The following NARS2 variants were observed in gnomAD, a reference collection of about 807,000 sequenced individuals.
NARS2 encodes asparaginyl-tRNA synthetase.
A neutral mutation model predicts 62.9 loss-of-function variants in NARS2; 60 were observed. That is an observed-to-expected ratio of 0.95 (90% CI 0.77 to 1.18). The LOEUF (loss-of-function observed/expected upper bound fraction) is 1.18. NARS2 is among the 50% of genes most tolerant of loss of function. The pLI is 0.00. For missense variants in NARS2, 619 were observed against 576.4 expected (o/e 1.07, Z -0.76); for synonymous variants, 196 against 200.0 (o/e 0.98, Z 0.17).
intron 7 of NARS2, among the ~76,000 whole-genome samples, chr11:78,482,235 A>G (rs1859385734): frequency 6.6e-6 from 1 of 152,200 alleles, no homozygotes; most frequent in Admixed American, 6.6e-5. Flanking sequence ...ATGGTCAGAC[A>G]CAGCTAAAGC....
At chr11:78,532,407 AG>A (rs1189618812) in intron 5 of NARS2, among the ~76,000 whole-genome samples, 1 of 152,230 alleles carries the variant, frequency 6.6e-6, no homozygotes, top group Non-Finnish European at 1.5e-5. Flanking sequence ...AGAATATATA[AG>A]GAACTCCTGC....
chr11:78,493,151 T>C lies in NARS2; in HGVS notation c.734A>G (p.Glu245Gly). ...VFTFGPTFRAENSQSRRHLAE... is the reference protein window; with the variant it reads ...VFTFGPTFRAGNSQSRRHLAE... ...CAGGTGCCTCCGGCTCTGAGAATTT[T>C]CAGCTCGGAAGGTCGGACCAAAGGT... Residue 245 changes from glutamate to glycine, a missense_variant, in exon 7 of 14, where the codon GAA becomes GGA. By Grantham distance (98) the Glu-to-Gly change is moderately conservative. Transcript: ENST00000281038. 6.2e-7 allele frequency: 1 copy of C among 1,614,048 alleles called. No homozygotes were observed. The highest frequency in any genetic ancestry group is 8.5e-7 in the Non-Finnish European group (1 of 1,179,934).
chr11:78,498,679 T>A (rs1860158396), intron 6 of NARS2, among the ~76,000 whole-genome samples: 1 of 151,850 alleles, frequency 6.6e-6, no homozygotes, highest in African/African-American at 2.4e-5. Flanking sequence ...CTCTTTTTTT[T>A]TTTTTTTCCT....
intron 9 of NARS2, among the ~76,000 whole-genome samples, chr11:78,471,747 A>T (rs2135237596): frequency 7.5e-6 from 1 of 133,922 alleles, no homozygotes; most frequent in East Asian, 2.2e-4. Flanking sequence ...ATGTGATCTC[A>T]TTGTTCAATT....
intron 5 of NARS2, among the ~76,000 whole-genome samples, chr11:78,557,652 T>C (rs1856402661): frequency 6.6e-6 from 1 of 152,206 alleles, no homozygotes; most frequent in South Asian, 2.1e-4. Context: ...TTCCTTTCCC[T>C]GGCTCTGAAA....
chr11:78,537,639 T>C (rs1855408869), intron 5 of NARS2, among the ~76,000 whole-genome samples: 1 of 152,100 alleles, frequency 6.6e-6, no homozygotes, highest in Non-Finnish European at 1.5e-5. Flanking sequence ...TGTCTAAAAA[T>C]GCAATTTAAA....
chr11:78,560,432 A>T (rs748079417), intron 4 of NARS2, among the ~76,000 whole-genome samples: 20 of 152,226 alleles, frequency 1.3e-4, no homozygotes, highest in Non-Finnish European at 5.9e-5. Flanking sequence ...TATGGATGTA[A>T]GCAAAAGGTT....
intron 5 of NARS2, among the ~76,000 whole-genome samples, chr11:78,550,545 A>G (rs1163785181): frequency 6.6e-6 from 1 of 152,226 alleles, no homozygotes; most frequent in Admixed American, 6.5e-5. Context: ...GAAAATGCAA[A>G]TCAAAGCCAC....
At chr11:78,538,560 G>A (rs570096568) in intron 5 of NARS2, among the ~76,000 whole-genome samples, 1 of 152,236 alleles carries the variant, frequency 6.6e-6, no homozygotes, top group South Asian at 2.1e-4. Context: ...GAATGTATCT[G>A]CTATACTATA....
chr11:78,572,039 G>A (rs1016837972), intron 1 of NARS2, among the ~76,000 whole-genome samples: 14 of 152,160 alleles, frequency 9.2e-5, no homozygotes, highest in African/African-American at 3.4e-4. Flanking sequence ...AAAATTAGCC[G>A]GGAGTGTTGG....
intron 11 of NARS2, among the ~76,000 whole-genome samples, chr11:78,448,378 G>A (rs4589328): frequency 0.076 from 11,517 of 150,586 alleles, 881 homozygotes; most frequent in East Asian, 0.4. Flanking sequence ...GTGCAGTGGC[G>A]CGATCTTGGC....
At position 78,465,727 on chromosome 11, in the gene NARS2, T is replaced by C. The variant is rs1858592739; in HGVS notation, c.1164+149A>G. ...CGTTTATAGAACACTGGGATCTTCT[T>C]TGGGAAAAATTTTTAAGAGATGTCT... On this transcript the variant is annotated intron_variant, in intron 11 of 13. Coordinates refer to ENST00000281038, the MANE Select transcript of NARS2 (RefSeq NM_024678.6). 7 of 847,640 alleles carry C rather than the reference T, an allele frequency of 8.3e-6. No individual in the cohort carries two copies. In the East Asian group the frequency reaches 8.3e-5, roughly 10 times the overall value. The allele number at this position is 847,640 out of a possible 1,614,324, so 52.5% of individuals were successfully genotyped here. A position where few individuals can be genotyped will look rare whatever the true frequency, so the allele number is the denominator to read the frequency against.
intron 5 of NARS2, among the ~76,000 whole-genome samples, chr11:78,541,471 T>A (rs1421877628): frequency 6.6e-6 from 1 of 152,170 alleles, no homozygotes; most frequent in African/African-American, 2.4e-5. Context: ...TCGCATTTTT[T>A]ATCCTGTAGT....
intron 6 of NARS2, among the ~76,000 whole-genome samples, chr11:78,520,332 A>G (rs916445018): frequency 1.3e-5 from 2 of 152,182 alleles, no homozygotes; most frequent in Admixed American, 1.3e-4. Flanking sequence ...TTGGCTTCAC[A>G]GAATGCTCTG....
chr11:78,495,593 C>A (rs894490986), intron 6 of NARS2, among the ~76,000 whole-genome samples: 35 of 152,134 alleles, frequency 2.3e-4, no homozygotes, highest in African/African-American at 8.0e-4. Flanking sequence ...AACAGGTGCT[C>A]ATGCTGAATG....
At chr11:78,531,621 G>A (rs1017864876) in intron 5 of NARS2, among the ~76,000 whole-genome samples, 16 of 151,868 alleles carry the variant, frequency 1.1e-4, no homozygotes, top group Admixed American at 4.6e-4. Flanking sequence ...TCCATCAATG[G>A]AAAAATGAAT....
chr11:78,574,251 G>A, intron 1 of NARS2, 97 bp downstream of exon 1: 5 of 1,497,042 alleles, frequency 3.3e-6, no homozygotes, highest in East Asian at 4.5e-5. Flanking sequence ...CCCTGCTGGC[G>A]GTTGTGTCTG....
intron 11 of NARS2, among the ~76,000 whole-genome samples, chr11:78,452,162 G>A (rs1296170420): frequency 6.6e-6 from 1 of 151,848 alleles, no homozygotes; most frequent in Non-Finnish European, 1.5e-5. Flanking sequence ...AGGCTGGAGT[G>A]TAGTGGTGCG....
intron 7 of NARS2, among the ~76,000 whole-genome samples, chr11:78,482,422 C>T (rs1227225151): frequency 3.3e-5 from 5 of 151,656 alleles, no homozygotes; most frequent in Non-Finnish European, 7.4e-5. Flanking sequence ...GAAATAGAGA[C>T]ACAAAAAACC....
Sources: allele counts gnomAD v4.1 joint callset (sites outside exome capture counted in the v4.1 genomes callset), GRCh38; gene constraint gnomAD v4.1.1; transcripts MANE v1.5; gene names NCBI Gene and HGNC (gene_info 2026-07-23, HGNC 2026-07-21).